The following CPNE3 variants were observed in gnomAD, a reference collection of about 807,000 sequenced individuals.
CPNE3 encodes copine 3.
CPNE3 carries 68 observed loss-of-function variants against 63.9 expected under a neutral mutation model. The observed-to-expected ratio is 1.06, with a 90% CI of 0.87 to 1.30. The LOEUF is 1.30. CPNE3 is among the 50% of genes most tolerant of loss of function. The pLI is 0.00. For missense variants in CPNE3, 665 were observed against 578.1 expected (o/e 1.15, Z -1.54); for synonymous variants, 219 against 197.5 (o/e 1.11, Z -0.91).
rs574047253 is a variant in CPNE3 at position 86,519,287 on chromosome 8, G to T, written c.-11+3788G>T. Among the ~76,000 whole-genome samples the T allele has an allele frequency of 9.8e-5, 15 of 152,312 alleles. No homozygotes were observed. In the South Asian group the frequency reaches 3.1e-3, roughly 32 times the overall value. On this transcript the variant is annotated intron_variant, in intron 2 of 16. Transcript: ENST00000517490. ...ATACCAGGATTTTAGAGAAATTAAT[G>T]AAGGGTCTTTAGTTGATTGCTTACT...
Position 86,537,420 on chromosome 8 carries a change from A to G in CPNE3, c.460-143A>G, listed in dbSNP as rs553087059. 1.4e-5 allele frequency: 8 copies of G among 580,752 alleles called. No individual in the cohort carries two copies. The Admixed American group carries it at 2.2e-4, about 16-fold the overall frequency. The allele number at this position is 580,752 out of a possible 1,614,324, so 36.0% of individuals were successfully genotyped here. On this transcript the variant is annotated intron_variant, in intron 6 of 16. Coordinates refer to ENST00000517490, the MANE Select transcript of CPNE3 (RefSeq NM_003909.5). ...ACTTCCGTAAGTTTCTAAGTTAGGG[A>G]GAAAGGTGATGGGATGTATATTTAC...
At chr8:86,514,927 G>T (rs1204494594) in intron 1 of CPNE3, among the ~76,000 whole-genome samples, 1 of 152,208 alleles carries the variant, frequency 6.6e-6, no homozygotes, top group East Asian at 1.9e-4. Flanking sequence ...CCCAGAGAAG[G>T]GTGACAGGTC....
chr8:86,554,762 T>C (rs1241110376), intron 14 of CPNE3, 89 bp from the exon 15 acceptor site: 4 of 1,451,892 alleles, frequency 2.8e-6, no homozygotes, highest in Non-Finnish European at 3.8e-6. Flanking sequence ...TATATGTTGA[T>C]ACATATAATC....
chr8:86,555,234 CA>C (rs779325860), intron 15 of CPNE3, among the ~76,000 whole-genome samples: 564 of 135,032 alleles, frequency 4.2e-3, no homozygotes, highest in East Asian at 0.012. Context: ...TAGGTTCTAC[CA>C]AAAAAAAAAA....
At chr8:86,532,720 G>A (rs999141938) in intron 6 of CPNE3, 140 bp downstream of exon 6, 29 of 675,188 alleles carry the variant, frequency 4.3e-5, no homozygotes, top group Non-Finnish European at 7.5e-5. Flanking sequence ...GCATGTGTGT[G>A]TGTGTGTTGT....
At chr8:86,537,847 T>G (rs1439801997) in intron 7 of CPNE3, among the ~76,000 whole-genome samples, 2 of 152,102 alleles carry the variant, frequency 1.3e-5, no homozygotes, top group African/African-American at 4.8e-5. Context: ...TTTGAAAAAT[T>G]TTAAGTCCTA....
intron 15 of CPNE3, among the ~76,000 whole-genome samples, chr8:86,555,300 G>T (rs16915620): frequency 0.088 from 13,334 of 151,762 alleles, 885 homozygotes; most frequent in East Asian, 0.33. Flanking sequence ...CTTAAGGAAA[G>T]TTACCACATC....
chr8:86,518,408 T>C lies in CPNE3; in HGVS notation c.-11+2909T>C, dbSNP rs1820362081. On this transcript the variant is annotated intron_variant, in intron 2 of 16. Coordinates refer to ENST00000517490, the MANE Select transcript of CPNE3 (RefSeq NM_003909.5). ...TTAATATCAGATCCAGCCTGCCTGC[T>C]GCACAGCTGGCCAGCAGCTTTACTT... Among the ~76,000 whole-genome samples the C allele has an allele frequency of 2.0e-5, 3 of 152,212 alleles. No homozygotes were observed. In the South Asian group the frequency reaches 6.2e-4, roughly 31 times the overall value.
intron 12 of CPNE3, 72 bp from the exon 13 acceptor site, chr8:86,550,974 T>C: frequency 7.0e-7 from 1 of 1,428,696 alleles, no homozygotes; most frequent in Non-Finnish European, 9.3e-7. Flanking sequence ...CATATGGATT[T>C]TATTGTGGGC....
intron 6 of CPNE3, among the ~76,000 whole-genome samples, chr8:86,535,778 G>A (rs1214541773): frequency 1.3e-5 from 2 of 152,038 alleles, no homozygotes; most frequent in South Asian, 4.2e-4. Context: ...CTCACACAAC[G>A]TTAATAGTTT....
At position 86,527,074 on chromosome 8, in the gene CPNE3, A is replaced by T. The variant is rs533192516; in HGVS notation, c.-10-1462A>T. Reference sequence around the variant, plus strand: ...GCATTTTATACAGCACAGGAATCTTACTGCCATATTTAAATATAACAAGAT... The same window carrying T: ...GCATTTTATACAGCACAGGAATCTTTCTGCCATATTTAAATATAACAAGAT... On this transcript the variant is annotated intron_variant, in intron 2 of 16. Transcript: ENST00000517490. Among the ~76,000 whole-genome samples, 7 of 152,328 alleles carry T rather than the reference A, an allele frequency of 4.6e-5. No individual in the cohort carries two copies. In the East Asian group the frequency reaches 1.4e-3, roughly 29 times the overall value.
chr8:86,521,106 C>T (rs190196884), intron 2 of CPNE3, among the ~76,000 whole-genome samples: 93 of 152,268 alleles, frequency 6.1e-4, no homozygotes, highest in African/African-American at 1.8e-3. Flanking sequence ...GTTTTTTACT[C>T]TCAGAGTCTG....
intron 8 of CPNE3, among the ~76,000 whole-genome samples, chr8:86,544,422 G>T (rs1176897485): frequency 6.6e-6 from 1 of 152,058 alleles, no homozygotes; most frequent in African/African-American, 2.4e-5. Context: ...ACTCCATTTT[G>T]CCCTTTATCA....
Position 86,531,213 on chromosome 8 carries a change from G to A in CPNE3, c.371G>A (p.Gly124Glu). Residue 124 changes from glycine (G) to glutamate (E), a missense_variant, in exon 5 of 17, where the codon GGA becomes GAA. Physicochemically the swap from Gly to Glu is moderately conservative, Grantham distance 98. Coordinates refer to ENST00000517490, the MANE Select transcript of CPNE3 (RefSeq NM_003909.5). ...GTGATGAAAACTGGCAGACCTGCAG[G>A]AAAAGGGAGCATTACGGTAAAAATA... is the stretch of plus-strand genomic sequence containing the variant. The part of the protein sequence containing the change: ...PLVMKTGRPA[G>E]KGSITISAEE... 1 of 1,240,742 alleles carries A rather than the reference G, an allele frequency of 8.1e-7. No homozygotes were observed. 76.9% of individuals were successfully genotyped at this position (1,240,742 alleles called of 1,614,324 possible). A position where few individuals can be genotyped will look rare whatever the true frequency, so the allele number is the denominator to read the frequency against.
chr8:86,523,459 G>A (rs974570949), intron 2 of CPNE3, among the ~76,000 whole-genome samples: 1 of 152,176 alleles, frequency 6.6e-6, no homozygotes. Flanking sequence ...ACAGTATATA[G>A]ACGGAGTGAT....
chr8:86,529,995 T>C (rs886140809), intron 4 of CPNE3, among the ~76,000 whole-genome samples: 1 of 152,066 alleles, frequency 6.6e-6, no homozygotes, highest in Non-Finnish European at 1.5e-5. Flanking sequence ...TTTCTTTTTT[T>C]GGGGAAAAAA....
intron 10 of CPNE3, 122 bp from the exon 11 acceptor site, chr8:86,547,589 A>T: frequency 1.6e-6 from 1 of 639,730 alleles, no homozygotes; most frequent in South Asian, 1.9e-5. Flanking sequence ...ATGCAGGGGT[A>T]ATTTCCATGT....
At chr8:86,553,182 C>T (rs1162784600) in intron 14 of CPNE3, among the ~76,000 whole-genome samples, 1 of 151,808 alleles carries the variant, frequency 6.6e-6, no homozygotes, top group African/African-American at 2.4e-5. Context: ...ATTATTTATA[C>T]CTTTGTTACT....
rs111592275 is a variant in CPNE3 at position 86,535,021 on chromosome 8, T to A, written c.459+2441T>A. ...CAATTTTGGCCTGAGGGAATTCCTT[T>A]AAGCTTGTTTGTGAGACCATTTAAC... On this transcript the variant is annotated intron_variant, in intron 6 of 16. Transcript: ENST00000517490. Among the ~76,000 whole-genome samples the A allele has an allele frequency of 2.4e-3, 358 of 152,290 alleles. 2 individuals are homozygous for A. The highest frequency in any genetic ancestry group is 8.4e-3 in the African/African-American group (350 of 41,562).
Sources: gnomAD v4.1 joint callset for allele counts (sites outside exome capture counted in the v4.1 genomes callset) on GRCh38, gnomAD v4.1.1 for gene constraint, MANE v1.5 for transcripts, NCBI Gene and HGNC (gene_info 2026-07-23, HGNC 2026-07-21) for gene names.